Variants in POLR2G observed in about 807,000 individuals in gnomAD.
The protein encoded by POLR2G is DNA-directed RNA polymerase II subunit RPB7.
A neutral mutation model predicts 25.7 loss-of-function variants in POLR2G; 19 were observed. That is an observed-to-expected ratio of 0.74 (90% confidence interval 0.52 to 1.08). POLR2G has a LOEUF of 1.08. Ranked by LOEUF, POLR2G falls within the 50% of genes least tolerant of loss-of-function variation. The pLI is 0.00. For synonymous variants in POLR2G, 79 were observed against 76.0 expected, an observed-to-expected ratio of 1.04 and a Z score of -0.21; for missense variants, 123 against 218.5, an observed-to-expected ratio of 0.56 and a Z score of 2.76.
intron 3 of POLR2G, among the ~76,000 whole-genome samples, chr11:62,764,249 G>A (rs1216546825): frequency 6.6e-6 from 1 of 150,634 alleles, no homozygotes; most frequent in African/African-American, 2.4e-5. Flanking sequence ...TCACCTGAGG[G>A]TGGGAGTTCA....
At chr11:62,765,473 T>C (rs2084110946) in intron 5 of POLR2G, 68 bp downstream of exon 5, 3 of 1,320,754 alleles carry the variant, frequency 2.3e-6, no homozygotes, top group African/African-American at 1.4e-5. Context: ...AATATTGGCC[T>C]GGGGATGGCT....
At chr11:62,761,706 A>G (rs1263990188) in intron 1 of POLR2G, 46 bp downstream of exon 1, 1 of 1,610,196 alleles carries the variant, frequency 6.2e-7, no homozygotes, top group Non-Finnish European at 8.5e-7. Flanking sequence ...GGAAAGGAAG[A>G]GCAAGGCCAG....
chr11:62,765,829 C>A, intron 6 of POLR2G, 105 bp downstream of exon 6: 3 of 739,618 alleles, frequency 4.1e-6, no homozygotes, highest in South Asian at 3.1e-5. Context: ...GCTCTGTCAC[C>A]CAGGCTGGAG....
chr11:62,763,747 T>A (rs569806235), intron 3 of POLR2G, among the ~76,000 whole-genome samples: 75 of 135,320 alleles, frequency 5.5e-4, no homozygotes, highest in African/African-American at 2.1e-3. Context: ...AAAAGGTGGG[T>A]TTTTTTTTTT....
At chr11:62,762,055 C>T in intron 2 of POLR2G, 151 bp downstream of exon 2, 2 of 620,718 alleles carry the variant, frequency 3.2e-6, no homozygotes, top group East Asian at 2.7e-5. Context: ...GCTTTGGGTT[C>T]CCAGGGCGCC....
rs756756476 is a variant in POLR2G, at chr11:62,761,890, G to T, written c.108G>T (p.Gly36=). ...VKQKLFTEVE[G]TCTGKYGFVI... Reference sequence around the variant, plus strand: ...AGAAGCTCTTCACCGAGGTGGAGGGGACCTGCACAGGGAAGTGAGTGTCGA... The same window carrying T: ...AGAAGCTCTTCACCGAGGTGGAGGGTACCTGCACAGGGAAGTGAGTGTCGA... Residue 36 remains glycine (G), a synonymous_variant, in exon 2 of 8, where the codon GGG becomes GGT. Transcript: ENST00000301788. The T allele has an allele frequency of 4.4e-6, 7 of 1,608,716 alleles. No homozygotes were observed. The highest frequency in any genetic ancestry group is 1.1e-5 in the South Asian group (1 of 91,046).
At position 62,766,405 on chromosome 11, in the gene POLR2G, T is replaced by G. The variant is rs1378217204; in HGVS notation, c.506-89T>G. 6 of 1,544,804 alleles carry G rather than the reference T, an allele frequency of 3.9e-6. No individual in the cohort carries two copies. The East Asian group carries it at 1.3e-4, about 35-fold the overall frequency. Reference sequence around the variant, plus strand: ...ACTTTCATGCTGTCTGCTTGAAAGATCCAGGACATTTGCCTTGGGATGAGG... The same window carrying G: ...ACTTTCATGCTGTCTGCTTGAAAGAGCCAGGACATTTGCCTTGGGATGAGG... On this transcript the variant is annotated intron_variant, in intron 7 of 7. Transcript: ENST00000301788.
intron 3 of POLR2G, among the ~76,000 whole-genome samples, chr11:62,764,894 C>G (rs1001722549): frequency 1.1e-4 from 16 of 151,624 alleles, no homozygotes; most frequent in African/African-American, 3.6e-4. Context: ...GAGTCTTGCT[C>G]TGTTGCCAGG....
At position 62,762,830 on chromosome 11, in the gene POLR2G, A is replaced by G. The variant is rs115083569; in HGVS notation, c.123-37A>G. 2.0e-3 allele frequency: 3,096 copies of G among 1,536,902 alleles called. 49 individuals are homozygous for G. The African/African-American group carries it at 0.035, about 17-fold the overall frequency. On this transcript the variant is annotated intron_variant, in intron 2 of 7. Transcript: ENST00000301788. ...TGCAGATGTCTTTAGAGGCTCTTGG[A>G]CACACAGTGTCTTCCTGTTTCTCAT...
At chr11:62,765,813 A>G (rs1003813678) in intron 6 of POLR2G, 89 bp downstream of exon 6, 47 of 767,090 alleles carry the variant, frequency 6.1e-5, no homozygotes, top group Non-Finnish European at 9.2e-5. Context: ...TTTGAGACGG[A>G]GTCTTGCTCT....
intron 3 of POLR2G, 45 bp from the exon 4 acceptor site, chr11:62,765,137 G>A (rs552360791): frequency 1.8e-5 from 29 of 1,579,790 alleles, no homozygotes; most frequent in Admixed American, 3.3e-5. Context: ...GATTACAGGC[G>A]TGAGCCACCG....
At chr11:62,762,207 T>A in intron 2 of POLR2G, 1 of 390,658 alleles carries the variant, frequency 2.6e-6, no homozygotes, top group Non-Finnish European at 4.8e-6. Flanking sequence ...CAAGATAGAA[T>A]GAGGACAGCC....
chr11:62,763,448 C>A (rs1382100402), intron 3 of POLR2G, among the ~76,000 whole-genome samples: 2 of 151,974 alleles, frequency 1.3e-5, no homozygotes, highest in Non-Finnish European at 2.9e-5. Flanking sequence ...GTGCCCACCA[C>A]CACGCCCGGC....
chr11:62,766,207 C>G, intron 6 of POLR2G, 36 bp from the exon 7 acceptor site: 1 of 1,607,324 alleles, frequency 6.2e-7, no homozygotes, highest in Non-Finnish European at 8.5e-7. Flanking sequence ...CTGTGCTCAT[C>G]TTGGCTTCAC....
Position 62,765,424 on chromosome 11 carries a change from G to T in POLR2G, c.399+19G>T. 1.3e-6 allele frequency: 2 copies of T among 1,600,004 alleles called. No homozygotes were observed. The highest frequency in any genetic ancestry group is 1.7e-6 in the Non-Finnish European group (2 of 1,167,638). ...GGATGAGGTGAGTGGACAGAAAGAA[G>T]TCAGGGAGACAAGGAGAGAATCAGC... On this transcript the variant is annotated intron_variant, in intron 5 of 7. Transcript: ENST00000301788.
chr11:62,761,671 C>T lies in POLR2G; in HGVS notation c.12+11C>T. The T allele has an allele frequency of 1.2e-6, 2 of 1,612,242 alleles. No individual in the cohort carries two copies. Among genetic ancestry groups the T allele is most frequent in the East Asian group, 2.2e-5 (1 of 44,856 alleles). On this transcript the variant is annotated intron_variant, in intron 1 of 7. Transcript: ENST00000301788. ...AAGATGTTCTACCATGTGAGCAGGG[C>T]TCAGGGTGGCGGCAAGGGCTGGGTG... is the stretch of plus-strand genomic sequence containing the variant.
intron 3 of POLR2G, 114 bp downstream of exon 3, chr11:62,763,140 T>A: frequency 3.3e-6 from 2 of 613,094 alleles, no homozygotes; most frequent in African/African-American, 1.9e-5. Flanking sequence ...TTTTTTTTTT[T>A]TTTTTTTTTT....
Position 62,766,589 on chromosome 11 carries a change from C to G in POLR2G, c.*82C>G. On this transcript the variant is annotated 3_prime_UTR_variant, in exon 8 of 8. Coordinates refer to ENST00000301788, the MANE Select transcript of POLR2G (RefSeq NM_002696.3). ...CATGTTGTCCAGAGGTCCAGTCTGG[C>G]TGCTGTTGTGGAGGCAAGGAAGGCA... 1.4e-6 allele frequency: 2 copies of G among 1,395,842 alleles called. No homozygotes were observed. 86.5% of individuals were successfully genotyped at this position (1,395,842 alleles called of 1,614,324 possible). A position where few individuals can be genotyped will look rare whatever the true frequency, so the allele number is the denominator to read the frequency against.
intron 2 of POLR2G, chr11:62,762,262 C>T (rs1285178255): frequency 3.5e-6 from 1 of 285,282 alleles, no homozygotes; most frequent in African/African-American, 2.1e-5. Context: ...GTCTGCTCTC[C>T]CTCTGTCATT....
Sources: gnomAD v4.1 joint callset for allele counts (sites outside exome capture counted in the v4.1 genomes callset) on GRCh38, gnomAD v4.1.1 for gene constraint, MANE v1.5 for transcripts, NCBI Gene and HGNC (gene_info 2026-07-23, HGNC 2026-07-21) for gene names.